Variants in CFAP221 observed in about 807,000 individuals in gnomAD.
The protein encoded by CFAP221 is cilia and flagella associated protein 221, also known as cilia- and flagella-associated protein 221.
CFAP221 carries 97 observed loss-of-function variants against 113.1 expected under a neutral mutation model. That is an observed-to-expected ratio of 0.86 (90% CI 0.73 to 1.02). The LOEUF (loss-of-function observed/expected upper bound fraction) is 1.02, where lower values mean the gene tolerates loss of function less well. Ranked by LOEUF, CFAP221 falls within the 50% of genes least tolerant of loss-of-function variation. The probability of loss-of-function intolerance (pLI) is 0.00; values close to 1 mark genes in which losing one functional copy is unlikely to be tolerated. For synonymous variants in CFAP221, 331 were observed against 354.4 expected (o/e 0.93, Z 0.74); for missense variants, 1,025 against 1,013.4 (o/e 1.01, Z -0.16).
At chr2:119,550,257 A>C (rs191551211) in intron 3 of CFAP221, among the ~76,000 whole-genome samples, 2 of 152,300 alleles carry the variant, frequency 1.3e-5, no homozygotes, top group East Asian at 3.9e-4. Flanking sequence ...TATTTTAAGA[A>C]AGTTCTATCA....
intron 21 of CFAP221, among the ~76,000 whole-genome samples, chr2:119,646,271 A>G (rs1687797226): frequency 6.6e-6 from 1 of 152,204 alleles, no homozygotes; most frequent in African/African-American, 2.4e-5. Flanking sequence ...CAAATGCCTG[A>G]AACTGAGTAA....
At chr2:119,658,810 A>G (rs149801978), downstream of CFAP221, among the ~76,000 whole-genome samples, 1 of 151,996 alleles carries the variant, frequency 6.6e-6, no homozygotes, top group African/African-American at 2.4e-5. Context: ...GCAAAACCTC[A>G]TCTCTACTAA....
At chr2:119,628,170 G>A (rs750592663) in intron 16 of CFAP221, among the ~76,000 whole-genome samples, 35 of 152,192 alleles carry the variant, frequency 2.3e-4, no homozygotes, top group Non-Finnish European at 4.4e-4. Context: ...GCAAATGGTA[G>A]AAGTCAGGGA....
intron 19 of CFAP221, among the ~76,000 whole-genome samples, chr2:119,635,238 CTGTT>C (rs1574199079): frequency 6.6e-6 from 1 of 152,220 alleles, no homozygotes; most frequent in East Asian, 1.9e-4. Context: ...CTTTGGAAAA[CTGTT>C]TGGCAGTTTC....
chr2:119,548,221 C>A (rs896113326), intron 2 of CFAP221, among the ~76,000 whole-genome samples: 1 of 152,140 alleles, frequency 6.6e-6, no homozygotes, highest in African/African-American at 2.4e-5. Flanking sequence ...GTCTCAGCCT[C>A]CCAAAATGCT....
chr2:119,568,290 C>A (rs1401762554), intron 6 of CFAP221, among the ~76,000 whole-genome samples: 1 of 151,824 alleles, frequency 6.6e-6, no homozygotes, highest in Non-Finnish European at 1.5e-5. Flanking sequence ...TTAATTTTAC[C>A]TTCATTTTTT....
Position 119,587,115 on chromosome 2 carries a change from GC to G in CFAP221, c.528-3del. 4 of 1,489,806 alleles carry G rather than the reference GC, an allele frequency of 2.7e-6. No homozygotes were observed. The South Asian group carries it at 5.3e-5, about 20-fold the overall frequency. The allele number at this position is 1,489,806 out of a possible 1,614,324, so 92.3% of individuals were successfully genotyped here. A position where few individuals can be genotyped will look rare whatever the true frequency, so the allele number is the denominator to read the frequency against. On this transcript the variant is annotated splice_region_variant and splice_polypyrimidine_tract_variant and intron_variant, in intron 6 of 23. Coordinates refer to ENST00000413369, the MANE Select transcript of CFAP221 (RefSeq NM_001271049.2). Reference sequence around the variant, plus strand: ...TTTTATTTTCTTTTTTGTTTGTTTTGCAGCAAAACTTATGTTATTCCTTTGC... The same window carrying G: ...TTTTATTTTCTTTTTTGTTTGTTTTGAGCAAAACTTATGTTATTCCTTTGC...
At chr2:119,573,936 C>T (rs1682246222) in intron 6 of CFAP221, among the ~76,000 whole-genome samples, 1 of 152,024 alleles carries the variant, frequency 6.6e-6, no homozygotes, top group Non-Finnish European at 1.5e-5. Context: ...TTTCATTTAC[C>T]GAAGTGGGCG....
downstream of CFAP221, among the ~76,000 whole-genome samples, chr2:119,659,376 A>G (rs1300760369): frequency 6.6e-6 from 1 of 152,130 alleles, no homozygotes; most frequent in Admixed American, 6.5e-5. Flanking sequence ...AGTTAGGTTC[A>G]TGTGTTACTG....
intron 3 of CFAP221, among the ~76,000 whole-genome samples, chr2:119,552,883 A>T (rs1680527406): frequency 6.6e-6 from 1 of 151,910 alleles, no homozygotes; most frequent in South Asian, 2.1e-4. Context: ...GAAACAGCAT[A>T]TTATTTTGTT....
At chr2:119,550,504 A>G (rs771921132) in intron 3 of CFAP221, among the ~76,000 whole-genome samples, 2 of 152,180 alleles carry the variant, frequency 1.3e-5, no homozygotes, top group Non-Finnish European at 2.9e-5. Flanking sequence ...AACTTCACCC[A>G]TCAACCTCCA....
intron 3 of CFAP221, among the ~76,000 whole-genome samples, chr2:119,559,066 T>G (rs1296934383): frequency 6.6e-6 from 1 of 152,276 alleles, no homozygotes; most frequent in East Asian, 1.9e-4. Context: ...AATTCTTGTG[T>G]CCCTTTCAAA....
At chr2:119,585,452 A>G (rs896619517) in intron 6 of CFAP221, among the ~76,000 whole-genome samples, 3 of 152,194 alleles carry the variant, frequency 2.0e-5, no homozygotes, top group African/African-American at 7.2e-5. Flanking sequence ...GCAGGGAGGA[A>G]GAGGGAGAGA....
chr2:119,605,246 G>C lies in CFAP221; in HGVS notation c.1090G>C (p.Val364Leu). The C allele has an allele frequency of 6.2e-7, 1 of 1,614,218 alleles. No homozygotes were observed. The highest frequency in any genetic ancestry group is 8.5e-7 in the Non-Finnish European group (1 of 1,180,024). Residue 364 changes from valine to leucine, a missense_variant, in exon 11 of 24, where the codon GTC (valine) becomes CTC (leucine). Val to Leu is a conservative substitution (Grantham distance 32). Coordinates refer to ENST00000413369, the MANE Select transcript of CFAP221 (RefSeq NM_001271049.2). ...QMKEALFEQK[V>L]RQDIHEEMEN... ...GAAGGAGGCACTCTTTGAACAGAAA[G>C]TCAGACAGGACATTCACGAAGAGAT...
At chr2:119,644,952 C>T (rs1248995239) in intron 21 of CFAP221, among the ~76,000 whole-genome samples, 1 of 151,902 alleles carries the variant, frequency 6.6e-6, no homozygotes, top group African/African-American at 2.4e-5. Context: ...CCATAACCAC[C>T]TTAATAAACA....
At chr2:119,600,930 A>G (rs1684323192) in intron 7 of CFAP221, among the ~76,000 whole-genome samples, 1 of 152,212 alleles carries the variant, frequency 6.6e-6, no homozygotes, top group Non-Finnish European at 1.5e-5. Flanking sequence ...CTTCCTTATC[A>G]TTTCCATAAT....
intron 6 of CFAP221, among the ~76,000 whole-genome samples, chr2:119,585,875 G>T (rs1233610592): frequency 6.6e-6 from 1 of 152,204 alleles, no homozygotes; most frequent in Non-Finnish European, 1.5e-5. Flanking sequence ...CAGACACTGG[G>T]CAGGTAGGGA....
chr2:119,587,457 C>T (rs918436307), intron 7 of CFAP221, among the ~76,000 whole-genome samples: 13 of 152,176 alleles, frequency 8.5e-5, no homozygotes, highest in African/African-American at 2.7e-4. Context: ...TTGATCCATT[C>T]CAATGCTAAG....
At position 119,647,611 on chromosome 2, in the gene CFAP221, G is replaced by T. The variant is rs569390610; in HGVS notation, c.2318+561G>T. On this transcript the variant is annotated intron_variant, in intron 22 of 23. Transcript: ENST00000413369. ...GCACCACAGCATACAGCATTCGTAC[G>T]TCCAGCTCACACGTGTACGTCCAGC... is the stretch of plus-strand genomic sequence containing the variant. Among the ~76,000 whole-genome samples, 23 of 152,156 alleles carry T rather than the reference G, an allele frequency of 1.5e-4. No homozygotes were observed. In the East Asian group the frequency reaches 4.4e-3, roughly 29 times the overall value.
Sources: gnomAD v4.1 joint callset for allele counts (sites outside exome capture counted in the v4.1 genomes callset) on GRCh38, gnomAD v4.1.1 for gene constraint, MANE v1.5 for transcripts, NCBI Gene and HGNC (gene_info 2026-07-23, HGNC 2026-07-21) for gene names.